The following DMD variants were observed in gnomAD, a reference collection of about 807,000 sequenced individuals.
DMD encodes dystrophin.
A neutral mutation model predicts 330.1 loss-of-function variants in DMD; 63 were observed. That is an observed-to-expected ratio of 0.19 (90% CI 0.16 to 0.24). DMD has a LOEUF of 0.24. Ranked by LOEUF, DMD falls within the 10% of genes least tolerant of loss-of-function variation. The pLI, the probability that DMD is intolerant of heterozygous loss-of-function variation, is 1.00. For synonymous variants in DMD, 1,223 were observed against 959.8 expected, an observed-to-expected ratio of 1.27 and a Z score of -5.07; for missense variants, 3,344 against 2,684.1, an observed-to-expected ratio of 1.25 and a Z score of -5.43.
chrX:31,929,153 A>G (rs1292989470), intron 47 of DMD, among the ~76,000 whole-genome samples: 1 of 112,091 alleles, frequency 8.9e-6, no homozygotes, highest in African/African-American at 3.2e-5. Context: ...TAGGTAAGTA[A>G]ATAAATAAAC....
chrX:31,769,527 TCCCTGGGCCACACTGGAAGAAGAATTG>T (rs1257145279), intron 51 of DMD, among the ~76,000 whole-genome samples: 4 of 111,871 alleles, frequency 3.6e-5, no homozygotes, highest in African/African-American at 1.3e-4. Context: ...TCTTTTGGCT[TCCCTGGGCCACACTGGAAGAAGAATTG>T]TCCTGGGCCA....
chrX:31,983,819 G>A (rs148256219), intron 44 of DMD, among the ~76,000 whole-genome samples: 1,988 of 111,762 alleles, frequency 0.018, 16 homozygotes, highest in Non-Finnish European at 0.028. Context: ...TGAGATCCAC[G>A]TGAAGTATGA....
intron 55 of DMD, among the ~76,000 whole-genome samples, chrX:31,536,957 C>A (rs755742539): frequency 1.6e-4 from 18 of 111,134 alleles, no homozygotes; most frequent in African/African-American, 5.6e-4. Context: ...GCTACTATGG[C>A]CCTTTCTCTC....
chrX:31,876,199 C>G (rs12012557), intron 47 of DMD, among the ~76,000 whole-genome samples: 1 of 112,422 alleles, frequency 8.9e-6, no homozygotes, highest in African/African-American at 3.2e-5. Context: ...AATGCTACGA[C>G]ATAGATATTA....
At chrX:32,833,925 A>G (rs1452628037) in intron 4 of DMD, among the ~76,000 whole-genome samples, 2 of 110,890 alleles carry the variant, frequency 1.8e-5, no homozygotes, top group Admixed American at 9.7e-5. Flanking sequence ...GGGGGATGGG[A>G]AGAATAAACA....
intron 57 of DMD, among the ~76,000 whole-genome samples, chrX:31,483,297 T>C (rs190018504): frequency 0.019 from 2,060 of 110,150 alleles, 43 homozygotes; most frequent in African/African-American, 0.043. Flanking sequence ...CTGCCCGCCT[T>C]GGCCTCCCAA....
chrX:32,500,278 T>G (rs2043920866), intron 19 of DMD, among the ~76,000 whole-genome samples: 2 of 111,574 alleles, frequency 1.8e-5, no homozygotes, highest in Non-Finnish European at 3.8e-5. Flanking sequence ...CAATTAATAT[T>G]TACTAAGCAC....
At chrX:32,968,294 T>A (rs1034570844) in intron 2 of DMD, among the ~76,000 whole-genome samples, 1 of 110,743 alleles carries the variant, frequency 9.0e-6, no homozygotes, top group African/African-American at 3.3e-5. Context: ...CTGAAAGTTT[T>A]CAGTTACCTT....
At chrX:31,878,049 T>C (rs1470686951) in intron 47 of DMD, among the ~76,000 whole-genome samples, 1 of 111,937 alleles carries the variant, frequency 8.9e-6, no homozygotes, top group Admixed American at 9.5e-5. Context: ...CTGTATAACA[T>C]TTAACTAAGA....
At chrX:31,226,823 T>C (rs746215599) in intron 63 of DMD, among the ~76,000 whole-genome samples, 5 of 111,804 alleles carry the variant, frequency 4.5e-5, no homozygotes, top group Non-Finnish European at 3.8e-5. Context: ...TTGAGTCCCT[T>C]TGACTCTTTA....
At chrX:31,664,671 T>TTG (rs1465373330) in intron 53 of DMD, among the ~76,000 whole-genome samples, 2 of 105,962 alleles carry the variant, frequency 1.9e-5, no homozygotes, top group African/African-American at 6.9e-5. Flanking sequence ...TAAGTTTTTT[T>TTG]TTTTTTTTTT....
At chrX:32,377,445 G>A (rs1446753326) in intron 34 of DMD, among the ~76,000 whole-genome samples, 1 of 111,458 alleles carries the variant, frequency 9.0e-6, no homozygotes, top group Non-Finnish European at 1.9e-5. Flanking sequence ...TGCTTGGCAC[G>A]AAAAGGCTCA....
intron 1 of DMD, among the ~76,000 whole-genome samples, chrX:33,077,813 C>T (rs2094868495): frequency 8.9e-6 from 1 of 112,163 alleles, no homozygotes; most frequent in Middle Eastern, 4.2e-3. Flanking sequence ...AAGAATTAAC[C>T]TCAAGAATAG....
chrX:32,475,340 T>C (rs1333860763), intron 21 of DMD, among the ~76,000 whole-genome samples: 2 of 111,387 alleles, frequency 1.8e-5, no homozygotes, highest in African/African-American at 6.5e-5. Flanking sequence ...CTGTGCAGGC[T>C]CCTTTTTGGT....
intron 1 of DMD, among the ~76,000 whole-genome samples, chrX:33,045,470 T>G (rs1188014273): frequency 9.0e-6 from 1 of 111,700 alleles, no homozygotes; most frequent in African/African-American, 3.3e-5. Flanking sequence ...AATCAACTCT[T>G]GATTTCACTG....
rs114915870 is a variant in DMD at position 31,193,095 on chromosome X, T to G, written c.9808-10191A>C. 4.1e-3 allele frequency among the ~76,000 whole-genome samples: 459 copies of G among 111,533 alleles called. 2 individuals are homozygous for G. The highest frequency in any genetic ancestry group is 0.014 in the African/African-American group (432 of 30,680). On this transcript the variant is annotated intron_variant, in intron 67 of 78. Transcript: ENST00000357033. ...ATTAGATGCTACGGCATGTATGAGC[T>G]ACCTGGACTGACAGGTGCGGGTCCA...
intron 44 of DMD, among the ~76,000 whole-genome samples, chrX:32,054,088 TGAGAGAGAGAGA>T (rs751524877): frequency 0.047 from 3,245 of 69,508 alleles, 97 homozygotes; most frequent in East Asian, 0.094. Flanking sequence ...TGTGTGTGTG[TGAGAGAGAGAGA>T]GAGAGAGAGA....
chrX:33,176,002 C>A (rs2049627073), intron 1 of DMD, among the ~76,000 whole-genome samples: 1 of 111,269 alleles, frequency 9.0e-6, no homozygotes, highest in African/African-American at 3.3e-5. Flanking sequence ...TTTAAAGAAA[C>A]CTGGGTGCAG....
chrX:32,798,711 C>T (rs956780286), intron 7 of DMD, among the ~76,000 whole-genome samples: 15 of 111,049 alleles, frequency 1.4e-4, no homozygotes, highest in African/African-American at 1.3e-4. Context: ...GTTGAAATAC[C>T]GTATATAGAG....
Sources: gnomAD v4.1 joint callset for allele counts (sites outside exome capture counted in the v4.1 genomes callset) on GRCh38, gnomAD v4.1.1 for gene constraint, MANE v1.5 for transcripts, NCBI Gene and HGNC (gene_info 2026-07-23, HGNC 2026-07-21) for gene names.